DNAH7: variants seen among roughly 807,000 people sequenced by gnomAD.
DNAH7 encodes dynein axonemal heavy chain 7.
In DNAH7, 397 loss-of-function variants were observed where a neutral mutation model predicts 444.6. That is an observed-to-expected ratio of 0.89 (90% confidence interval 0.82 to 0.97). The LOEUF (loss-of-function observed/expected upper bound fraction) is 0.97, where lower values mean the gene tolerates loss of function less well. Among genes scored for constraint, DNAH7 ranks in the 50% least tolerant of loss-of-function variants. The pLI, the probability that DNAH7 is intolerant of heterozygous loss-of-function variation, is 0.00. For synonymous variants in DNAH7, 1,636 were observed against 1,624.4 expected, an observed-to-expected ratio of 1.01 and a Z score of -0.17; for missense variants, 4,902 against 4,800.8, an observed-to-expected ratio of 1.02 and a Z score of -0.62.
intron 2 of DNAH7, among the ~76,000 whole-genome samples, chr2:196,054,849 C>T (rs1201915526): frequency 6.6e-6 from 1 of 152,148 alleles, no homozygotes; most frequent in Non-Finnish European, 1.5e-5. Context: ...CCTCTTGTCT[C>T]CTGCCACCAT....
chr2:195,862,038 G>A (rs1700046611), intron 41 of DNAH7, 92 bp from the exon 42 acceptor site: 2 of 957,920 alleles, frequency 2.1e-6, no homozygotes, highest in African/African-American at 1.6e-5. Context: ...GGATGTTGGG[G>A]GTGAAGGGGA....
intron 21 of DNAH7, among the ~76,000 whole-genome samples, chr2:195,931,807 G>A (rs1214039109): frequency 6.6e-6 from 1 of 152,188 alleles, no homozygotes; most frequent in African/African-American, 2.4e-5. Flanking sequence ...ACAGTGCCAT[G>A]CTGTTTTGGT....
At chr2:196,011,065 G>T (rs919871523) in intron 10 of DNAH7, among the ~76,000 whole-genome samples, 13 of 152,118 alleles carry the variant, frequency 8.5e-5, no homozygotes, top group African/African-American at 3.1e-4. Flanking sequence ...ACAGTTGATA[G>T]AAGGAATAAG....
In DNAH7 at chr2:195,771,696, T is replaced by C; in HGVS notation, c.11397A>G (p.Ile3799Met). ...MGRFNKLLKT[I>M]RDSCVNIQKA... is the part of the protein sequence containing the mutation. ...TTTGAATATTTACGCACGAATCTCT[T>C]ATGGTCTTCAGTAACTTATTGAACC... The change falls in exon 61 of 65, where the codon ATA (isoleucine) becomes ATG (methionine). Residue 3799 changes from isoleucine (I) to methionine (M), a missense_variant. Ile to Met is a conservative substitution (Grantham distance 10). Coordinates refer to ENST00000312428, the MANE Select transcript of DNAH7 (RefSeq NM_018897.3). The C allele has an allele frequency of 6.2e-7, 1 of 1,614,154 alleles. No individual in the cohort carries two copies. The highest frequency in any genetic ancestry group is 2.2e-5 in the East Asian group (1 of 44,878).
chr2:196,052,066 A>G (rs996521288), intron 2 of DNAH7, among the ~76,000 whole-genome samples: 2 of 152,258 alleles, frequency 1.3e-5, no homozygotes, highest in Admixed American at 1.3e-4. Flanking sequence ...GCAACTTTCC[A>G]CAAGTCTCAC....
chr2:195,830,419 C>A (rs1356760405), intron 48 of DNAH7, among the ~76,000 whole-genome samples: 1 of 152,044 alleles, frequency 6.6e-6, no homozygotes, highest in Non-Finnish European at 1.5e-5. Context: ...CTATATTATC[C>A]CATGTGAGAC....
intron 48 of DNAH7, among the ~76,000 whole-genome samples, chr2:195,824,673 C>T (rs1574498845): frequency 6.6e-6 from 1 of 152,218 alleles, no homozygotes; most frequent in South Asian, 2.1e-4. Context: ...TGCCTGCTTC[C>T]CTTCTCCTGA....
At chr2:195,961,696 AAG>A (rs1490996921) in intron 17 of DNAH7, among the ~76,000 whole-genome samples, 2 of 152,212 alleles carry the variant, frequency 1.3e-5, no homozygotes, top group Non-Finnish European at 2.9e-5. Context: ...TATATAAAGA[AAG>A]AGTTTTTGTC....
chr2:195,780,645 G>T (rs1164536285), intron 58 of DNAH7, among the ~76,000 whole-genome samples: 2 of 152,176 alleles, frequency 1.3e-5, no homozygotes, highest in African/African-American at 4.8e-5. Context: ...CAGCTACTCA[G>T]GAGGCTGAGG....
intron 56 of DNAH7, 87 bp from the exon 57 acceptor site, chr2:195,794,625 G>C: frequency 8.0e-7 from 1 of 1,256,128 alleles, no homozygotes; most frequent in Non-Finnish European, 1.1e-6. Context: ...AGTTGGAAGG[G>C]GGAGGAAGTA....
intron 9 of DNAH7, 60 bp downstream of exon 9, chr2:196,019,110 A>AT: frequency 7.4e-7 from 1 of 1,352,210 alleles, no homozygotes; most frequent in South Asian, 2.2e-5. Flanking sequence ...AATAATTAAG[A>AT]TATAGTAAAA....
chr2:195,834,602 T>C (rs1256519351), intron 47 of DNAH7, among the ~76,000 whole-genome samples: 1 of 152,256 alleles, frequency 6.6e-6, no homozygotes, highest in African/African-American at 2.4e-5. Context: ...TTTGGAAAAT[T>C]ACATTTTCTA....
chr2:195,827,320 G>C (rs1021414953), intron 48 of DNAH7, among the ~76,000 whole-genome samples: 1 of 152,078 alleles, frequency 6.6e-6, no homozygotes, highest in Admixed American at 6.6e-5. Flanking sequence ...CTGTTGCCCA[G>C]GCTGGAGTGC....
chr2:195,840,215 T>TC (rs1457077575), intron 47 of DNAH7, among the ~76,000 whole-genome samples: 1 of 151,672 alleles, frequency 6.6e-6, no homozygotes, highest in Non-Finnish European at 1.5e-5. Context: ...CAAAAATCAA[T>TC]CGGTACAATT....
At chr2:196,053,257 A>G (rs908059652) in intron 2 of DNAH7, among the ~76,000 whole-genome samples, 2 of 152,218 alleles carry the variant, frequency 1.3e-5, no homozygotes, top group African/African-American at 4.8e-5. Context: ...GTGCTGTTAT[A>G]TTAAGGAGGA....
At chr2:195,794,754 T>C (rs1036083481) in intron 56 of DNAH7, among the ~76,000 whole-genome samples, 1 of 152,228 alleles carries the variant, frequency 6.6e-6, no homozygotes, top group African/African-American at 2.4e-5. Flanking sequence ...TTCTCCTTGG[T>C]AACATTAATT....
At chr2:195,865,622 C>G (rs1029682280) in intron 40 of DNAH7, among the ~76,000 whole-genome samples, 5 of 152,044 alleles carry the variant, frequency 3.3e-5, no homozygotes, top group African/African-American at 1.2e-4. Flanking sequence ...TATGGGACTG[C>G]AAGAAACATC....
At chr2:195,979,361 C>T (rs1011919917) in intron 15 of DNAH7, among the ~76,000 whole-genome samples, 1 of 152,032 alleles carries the variant, frequency 6.6e-6, no homozygotes, top group Non-Finnish European at 1.5e-5. Context: ...AAACAATATG[C>T]TCCTGAATGA....
intron 10 of DNAH7, among the ~76,000 whole-genome samples, chr2:196,012,343 G>A (rs899655496): frequency 6.6e-6 from 1 of 152,134 alleles, no homozygotes; most frequent in Non-Finnish European, 1.5e-5. Context: ...CTGCCTTCTA[G>A]TGAGATTTTT....
Sources: allele counts gnomAD v4.1 joint callset (sites outside exome capture counted in the v4.1 genomes callset), GRCh38; gene constraint gnomAD v4.1.1; transcripts MANE v1.5; gene names NCBI Gene and HGNC (gene_info 2026-07-23, HGNC 2026-07-21).